PPARGC1A: variants seen among roughly 807,000 people sequenced by gnomAD.
PPARGC1A encodes PPARG coactivator 1 alpha.
Under a neutral mutation model 88.7 loss-of-function variants are expected in PPARGC1A, and 25 were observed. The observed-to-expected ratio is 0.28, with a 90% CI of 0.21 to 0.39. PPARGC1A has a LOEUF of 0.39. Among genes scored for constraint, PPARGC1A ranks in the 10% least tolerant of loss-of-function variants. PPARGC1A has a pLI of 1.00. For missense variants in PPARGC1A, 880 were observed against 968.7 expected, an observed-to-expected ratio of 0.91 and a Z score of 1.22; for synonymous variants, 363 against 355.6, an observed-to-expected ratio of 1.02 and a Z score of -0.24.
upstream of PPARGC1A, chr4:23,890,323 C>G (rs1373973581): frequency 5.0e-6 from 1 of 199,520 alleles, no homozygotes; most frequent in Non-Finnish European, 9.9e-6. Context: ...CTTTGAATGC[C>G]ACAGACTCTA....
chr4:24,061,376 C>T, the PPARGC1A span, among the ~76,000 whole-genome samples: 3 of 152,164 alleles, frequency 2.0e-5, no homozygotes, highest in African/African-American at 4.8e-5. Flanking sequence ...GCAAGTCTAG[C>T]GAAGGAGAAC....
chr4:23,977,325 C>T, the PPARGC1A span, among the ~76,000 whole-genome samples: 2 of 152,190 alleles, frequency 1.3e-5, no homozygotes, highest in Non-Finnish European at 2.9e-5. Flanking sequence ...CAGTAGCTTT[C>T]CCAGCCATCG....
the PPARGC1A span, among the ~76,000 whole-genome samples, chr4:24,408,011 T>C: frequency 6.6e-6 from 1 of 152,160 alleles, no homozygotes; most frequent in South Asian, 2.1e-4. Flanking sequence ...AATTTTAATA[T>C]CACCAAAGAG....
chr4:24,295,039 A>T, the PPARGC1A span, among the ~76,000 whole-genome samples: 1 of 152,218 alleles, frequency 6.6e-6, no homozygotes, highest in Non-Finnish European at 1.5e-5. Context: ...ACAGGCATCA[A>T]TCCCCGCTTT....
chr4:24,076,949 C>T, the PPARGC1A span, among the ~76,000 whole-genome samples: 1 of 152,048 alleles, frequency 6.6e-6, no homozygotes. Context: ...TTCTTTCTTA[C>T]ATACTTTTTT....
chr4:24,271,373 C>T, the PPARGC1A span, among the ~76,000 whole-genome samples: 2 of 74,386 alleles, frequency 2.7e-5, no homozygotes, highest in Non-Finnish European at 5.4e-5. Context: ...GGATTAAATC[C>T]TTGTCCTTTT....
the PPARGC1A span, among the ~76,000 whole-genome samples, chr4:24,423,326 G>C: frequency 6.6e-6 from 1 of 152,190 alleles, no homozygotes; most frequent in Non-Finnish European, 1.5e-5. Flanking sequence ...TGCCTAACAC[G>C]TGATAGGGCT....
chr4:23,795,384 T>C lies in PPARGC1A; in HGVS notation c.*438A>G, dbSNP rs1717395600. On this transcript the variant is annotated 3_prime_UTR_variant, in exon 13 of 13. Coordinates refer to ENST00000264867, the MANE Select transcript of PPARGC1A (RefSeq NM_013261.5). ...GAAGTTCTAGGTTTTAAGCGTGTCT[T>C]CATGGAACTGCTGCCATTTGAAATG... 1 of 151,498 alleles carries C rather than the reference T, an allele frequency of 6.6e-6. No individual in the cohort carries two copies. The highest frequency in any genetic ancestry group is 2.4e-5 in the African/African-American group (1 of 40,988). The allele number at this position is 151,498 out of a possible 1,614,324, so 9.4% of individuals were successfully genotyped here. A position where few individuals can be genotyped will look rare whatever the true frequency, so the allele number is the denominator to read the frequency against.
upstream of PPARGC1A, among the ~76,000 whole-genome samples, chr4:23,899,584 G>A (rs1418133559): frequency 6.6e-6 from 1 of 152,278 alleles, no homozygotes; most frequent in South Asian, 2.1e-4. Context: ...ATATATCAAT[G>A]AGAATTAATG....
At chr4:24,044,308 G>A in the PPARGC1A span, among the ~76,000 whole-genome samples, 60 of 152,206 alleles carry the variant, frequency 3.9e-4, no homozygotes, top group Non-Finnish European at 6.2e-4. Flanking sequence ...CAAATCCTTC[G>A]TCTTTTAAAA....
chr4:23,913,242 T>TTATATATATATATATATATA, the PPARGC1A span, among the ~76,000 whole-genome samples: 1 of 94,634 alleles, frequency 1.1e-5, no homozygotes, highest in African/African-American at 4.3e-5. Flanking sequence ...ATTATATATT[T>TTATATATATATATATATATA]TATATATATA....
rs33944102 is a variant in PPARGC1A, at chr4:23,854,699, A to AT, written c.235-22949dup. Among the ~76,000 whole-genome samples the AT allele has an allele frequency of 3.3e-3, 500 of 151,782 alleles. 2 individuals are homozygous for AT. Among genetic ancestry groups the AT allele is most frequent in the African/African-American group, 9.5e-3 (392 of 41,402 alleles). On this transcript the variant is annotated intron_variant, in intron 2 of 12. Coordinates refer to ENST00000264867, the MANE Select transcript of PPARGC1A (RefSeq NM_013261.5). ...TTCAAAGGCAAGATTCACCTTTAAA[A>AT]TTTTTTTTTACTGCTGTGTATTTCC...
the PPARGC1A span, among the ~76,000 whole-genome samples, chr4:24,287,653 C>G: frequency 1.3e-5 from 2 of 150,402 alleles, no homozygotes; most frequent in East Asian, 4.2e-4. Context: ...CACACACACA[C>G]ACACACACAC....
chr4:24,419,188 A>G, the PPARGC1A span, among the ~76,000 whole-genome samples: 9 of 151,978 alleles, frequency 5.9e-5, no homozygotes, highest in South Asian at 4.2e-4. Context: ...GGTCGTCTCT[A>G]CTGAGAACAT....
At chr4:24,012,929 C>T in the PPARGC1A span, among the ~76,000 whole-genome samples, 1 of 152,148 alleles carries the variant, frequency 6.6e-6, no homozygotes, top group African/African-American at 2.4e-5. Context: ...CACCCATCAT[C>T]CTGTCTGCTA....
At chr4:24,044,063 C>T in the PPARGC1A span, among the ~76,000 whole-genome samples, 2 of 152,078 alleles carry the variant, frequency 1.3e-5, no homozygotes, top group African/African-American at 2.4e-5. Flanking sequence ...TAACAAAGAG[C>T]GTCAAATTGG....
the PPARGC1A span, among the ~76,000 whole-genome samples, chr4:24,249,075 T>A: frequency 1.3e-5 from 2 of 152,132 alleles, no homozygotes; most frequent in African/African-American, 2.4e-5. Flanking sequence ...TCCCAACACT[T>A]TGCCCTCAGA....
the PPARGC1A span, among the ~76,000 whole-genome samples, chr4:24,089,106 A>C: frequency 6.6e-6 from 1 of 152,362 alleles, no homozygotes; most frequent in East Asian, 1.9e-4. Context: ...CAGTTCCAGT[A>C]AGAAATATAG....
At chr4:24,246,472 G>A in the PPARGC1A span, among the ~76,000 whole-genome samples, 2,697 of 152,150 alleles carry the variant, frequency 0.018, 95 homozygotes, top group African/African-American at 0.061. Context: ...AAAATTAGCC[G>A]GGCGTGGTGG....
Sources: allele counts gnomAD v4.1 joint callset (sites outside exome capture counted in the v4.1 genomes callset), GRCh38; gene constraint gnomAD v4.1.1; transcripts MANE v1.5; gene names NCBI Gene and HGNC (gene_info 2026-07-23, HGNC 2026-07-21).